The following PLCH1 variants were observed in gnomAD, a reference collection of about 807,000 sequenced individuals.
PLCH1 encodes 1-phosphatidylinositol 4,5-bisphosphate phosphodiesterase eta-1.
In PLCH1, 60 loss-of-function variants were observed where a neutral mutation model predicts 126.7. The ratio of observed to expected loss-of-function variants is 0.47; its 90% CI spans 0.38 to 0.59. PLCH1 has a LOEUF of 0.59. Ranked by LOEUF, PLCH1 falls within the 20% of genes least tolerant of loss-of-function variation. The pLI is 0.00. For synonymous variants in PLCH1, 719 were observed against 734.9 expected (o/e 0.98, Z 0.35); for missense variants, 1,723 against 2,040.0 (o/e 0.84, Z 2.99).
chr3:155,732,986 T>C (rs578113198), intron 1 of PLCH1, among the ~76,000 whole-genome samples: 125 of 123,326 alleles, frequency 1.0e-3, no homozygotes, highest in African/African-American at 3.8e-3. Context: ...ACAAAAAAAA[T>C]ACGTAGGAAT....
At chr3:155,719,824 GAC>G (rs1037202900) in intron 1 of PLCH1, among the ~76,000 whole-genome samples, 5 of 150,412 alleles carry the variant, frequency 3.3e-5, no homozygotes, top group African/African-American at 1.2e-4. Flanking sequence ...TTTTTTTCCA[GAC>G]AGACTCTCAC....
chr3:155,521,760 G>C (rs1426345665), intron 11 of PLCH1, among the ~76,000 whole-genome samples: 1 of 152,154 alleles, frequency 6.6e-6, no homozygotes, highest in Non-Finnish European at 1.5e-5. Context: ...TCTCAGAAAA[G>C]CTCAAAAATA....
At chr3:155,460,255 C>T (rs1169849995) in intron 21 of PLCH1, among the ~76,000 whole-genome samples, 1 of 152,136 alleles carries the variant, frequency 6.6e-6, no homozygotes, top group Non-Finnish European at 1.5e-5. Context: ...ACAAGCATGA[C>T]ATTTATTTCT....
At chr3:155,698,989 T>C (rs1319658602) in intron 2 of PLCH1, among the ~76,000 whole-genome samples, 1 of 147,348 alleles carries the variant, frequency 6.8e-6, no homozygotes. Context: ...CTATCTTCTT[T>C]TTTTTTTTTT....
intron 2 of PLCH1, among the ~76,000 whole-genome samples, chr3:155,693,785 C>G (rs892976647): frequency 7.9e-5 from 12 of 152,066 alleles, no homozygotes; most frequent in African/African-American, 9.7e-5. Flanking sequence ...CAAAAATTAA[C>G]CAGGCATGGT....
intron 1 of PLCH1, among the ~76,000 whole-genome samples, chr3:155,711,780 AC>A (rs1418453490): frequency 5.3e-5 from 8 of 152,162 alleles, no homozygotes. Context: ...GTTTCAGATC[AC>A]TCAGAGTAAG....
intron 2 of PLCH1, among the ~76,000 whole-genome samples, chr3:155,660,173 C>T (rs1741961119): frequency 6.6e-6 from 1 of 152,182 alleles, no homozygotes; most frequent in Admixed American, 6.5e-5. Context: ...GTCCTCCGTG[C>T]CTAACAGGCT....
intron 2 of PLCH1, among the ~76,000 whole-genome samples, chr3:155,684,554 T>A (rs1744787728): frequency 6.6e-6 from 1 of 152,074 alleles, no homozygotes; most frequent in Admixed American, 6.5e-5. Flanking sequence ...TCTGAAAATC[T>A]AACCCTGTAA....
chr3:155,725,308 C>T (rs990246727), intron 1 of PLCH1, among the ~76,000 whole-genome samples: 2 of 152,084 alleles, frequency 1.3e-5, no homozygotes, highest in African/African-American at 2.4e-5. Flanking sequence ...CCAATTGACC[C>T]TCTTTATCTC....
At chr3:155,504,489 C>T (rs1718370651) in intron 13 of PLCH1, 66 bp downstream of exon 13, 7 of 872,858 alleles carry the variant, frequency 8.0e-6, no homozygotes, top group Admixed American at 5.4e-5. Flanking sequence ...TGATGATATT[C>T]TCCTGTTATC....
At chr3:155,528,229 C>CA (rs55712257) in intron 10 of PLCH1, among the ~76,000 whole-genome samples, 1,389 of 124,380 alleles carry the variant, frequency 0.011, 18 homozygotes, top group African/African-American at 0.04. Flanking sequence ...GTCTCCCCAC[C>CA]AAAAAAAAAA....
intron 2 of PLCH1, among the ~76,000 whole-genome samples, chr3:155,686,348 T>C (rs867169827): frequency 2.0e-5 from 3 of 152,302 alleles, no homozygotes; most frequent in Middle Eastern, 6.8e-3. Flanking sequence ...AGTCAATAAA[T>C]ATTTAAAGCA....
At chr3:155,547,385 AAAC>A (rs1213684922) in intron 10 of PLCH1, among the ~76,000 whole-genome samples, 1 of 146,462 alleles carries the variant, frequency 6.8e-6, no homozygotes, top group Non-Finnish European at 1.5e-5. Flanking sequence ...AAAAGTCAGG[AAAC>A]AACAGGTGCT....
intron 2 of PLCH1, among the ~76,000 whole-genome samples, chr3:155,677,055 T>C (rs1744153546): frequency 6.6e-6 from 1 of 152,250 alleles, no homozygotes; most frequent in South Asian, 2.1e-4. Flanking sequence ...ACAGTAGTCT[T>C]GCATTGAGGC....
intron 2 of PLCH1, among the ~76,000 whole-genome samples, chr3:155,638,416 C>T (rs1383898262): frequency 2.6e-5 from 4 of 152,170 alleles, no homozygotes; most frequent in Non-Finnish European, 5.9e-5. Flanking sequence ...AAATTTAAGC[C>T]TGCTATAAGA....
chr3:155,513,337 C>T (rs1719861056), intron 12 of PLCH1, among the ~76,000 whole-genome samples: 1 of 152,224 alleles, frequency 6.6e-6, no homozygotes, highest in Non-Finnish European at 1.5e-5. Context: ...TCTCTTACCA[C>T]TTTACCTGAT....
intron 4 of PLCH1, among the ~76,000 whole-genome samples, chr3:155,592,789 C>T (rs918990347): frequency 1.3e-5 from 2 of 152,134 alleles, no homozygotes; most frequent in African/African-American, 4.8e-5. Context: ...AGAAAACATT[C>T]AGTATTTTTG....
intron 1 of PLCH1, among the ~76,000 whole-genome samples, chr3:155,734,846 C>T (rs1315470448): frequency 2.0e-5 from 3 of 151,830 alleles, no homozygotes; most frequent in Non-Finnish European, 2.9e-5. Context: ...GTAGCTGGGA[C>T]TACAGGCACC....
At chr3:155,599,011 ACCCG>A (rs1025917111) in intron 2 of PLCH1, among the ~76,000 whole-genome samples, 4 of 36,604 alleles carry the variant, frequency 1.1e-4, no homozygotes, top group Admixed American at 3.2e-4. Context: ...TTCTCTCTCC[ACCCG>A]CCCCCCTCCC....
Sources: allele counts gnomAD v4.1 joint callset (sites outside exome capture counted in the v4.1 genomes callset), GRCh38; gene constraint gnomAD v4.1.1; transcripts MANE v1.5; gene names NCBI Gene and HGNC (gene_info 2026-07-23, HGNC 2026-07-21).